The following AIFM3 variants were observed in gnomAD, a reference collection of about 807,000 sequenced individuals.
AIFM3 encodes apoptosis-inducing factor 3.
Under a neutral mutation model 82.7 loss-of-function variants are expected in AIFM3, and 71 were observed. The observed-to-expected ratio is 0.86, with a 90% CI of 0.71 to 1.05. The LOEUF (loss-of-function observed/expected upper bound fraction) is 1.05. Among genes scored for constraint, AIFM3 ranks in the 50% least tolerant of loss-of-function variants. The pLI, the probability that AIFM3 is intolerant of heterozygous loss-of-function variation, is 0.00. For synonymous variants in AIFM3, 337 were observed against 329.1 expected (o/e 1.02, Z -0.26); for missense variants, 748 against 816.7 (o/e 0.92, Z 1.03).
At position 20,974,269 on chromosome 22, in the gene AIFM3, G is replaced by C. The variant is rs1360461913; in HGVS notation, c.483G>C (p.Glu161Asp). 3.7e-6 allele frequency: 6 copies of C among 1,613,890 alleles called. No individual in the cohort carries two copies. Among genetic ancestry groups the C allele is most frequent in the Non-Finnish European group, 5.1e-6 (6 of 1,180,012 alleles). The change falls in exon 6 of 21, where the codon GAG (glutamate) becomes GAC (aspartate). Residue 161 changes from glutamate (E) to aspartate (D), a missense_variant. By Grantham distance (45) the Glu-to-Asp change is conservative. Transcript: ENST00000440238. ...CCTTGCAGGTGAAGATTGAGAAGGA[G>C]AAGGTGTACGTCCGGGCCAGCAAGC... ...LHKFQVKIEK[E>D]KVYVRASKQA...
At chr22:20,966,786 T>G (rs1428405752), upstream of AIFM3, 2 of 152,176 alleles carry the variant, frequency 1.3e-5, no homozygotes, top group Non-Finnish European at 2.9e-5. Flanking sequence ...CCAGGGCACC[T>G]TGCAGGGCCT....
In AIFM3 at chr22:20,976,505, C is replaced by A. The variant is rs961355962; in HGVS notation, c.997C>A (p.Arg333Ser). The change falls in exon 11 of 21, where the codon CGC (arginine) becomes AGC (serine). Residue 333 changes from arginine (R) to serine (S), a missense_variant. Physicochemically the swap from Arg to Ser is moderately radical, Grantham distance 110 (BLOSUM62 -1). Around this residue, in one of 5 missense-constraint regions of AIFM3, gnomAD observed 393 missense variants for 481.1 expected, o/e 0.82. Transcript: ENST00000440238. ...TCGCGTGGTGAGGCTGGCCCGAGGC[C>A]GCAACGTGGTCGTCGTGGGAGCCGG... ...ANRVVRLARG[R>S]NVVVVGAGFL... 1.2e-6 allele frequency: 2 copies of A among 1,613,682 alleles called. No homozygotes were observed. Among genetic ancestry groups the A allele is most frequent in the African/African-American group, 2.7e-5 (2 of 74,918 alleles).
chr22:20,973,431 G>A lies in AIFM3; in HGVS notation c.156G>A (p.Glu52=), dbSNP rs1373941538. ...GCACGGCCCGCCACTTCCACACGGA[G>A]GAGCGCCTGTCCACCCCTCACCCCT... ...GNGTARHFHT[E]ERLSTPHPYP... is the part of the protein sequence containing the mutation. The change falls in exon 3 of 21, where the codon GAG becomes GAA. Residue 52 remains glutamate, a synonymous_variant. Coordinates refer to ENST00000440238, the MANE Select transcript of AIFM3 (RefSeq NM_001386814.1). 2 of 1,613,086 alleles carry A rather than the reference G, an allele frequency of 1.2e-6. No individual in the cohort carries two copies. The highest frequency in any genetic ancestry group is 2.2e-5 in the East Asian group (1 of 44,890).
At chr22:20,977,281 G>A in intron 14 of AIFM3, 186 bp downstream of exon 14, 1 of 757,366 alleles carries the variant, frequency 1.3e-6, no homozygotes, top group Non-Finnish European at 2.1e-6. Context: ...CTCAGCCCAG[G>A]CCTGGCACAG....
At position 20,976,928 on chromosome 22, in the gene AIFM3, A is replaced by G. The variant is rs771772853; in HGVS notation, c.1208A>G (p.Gln403Arg). 8 of 1,611,254 alleles carry G rather than the reference A, an allele frequency of 5.0e-6. No homozygotes were observed. Among genetic ancestry groups the G allele is most frequent in the South Asian group, 1.1e-5 (1 of 90,994 alleles). ...ACGGAGGTGTCTGAGCTGCGGGGCC[A>G]GGAGGGAAAGGTGGGCCCTTCTCCC... ...MQTEVSELRG[Q>R]EGKLKEVVLK... is the part of the protein sequence containing the mutation. Residue 403 changes from glutamine (Q) to arginine (R), a missense_variant, in exon 13 of 21, where the codon CAG becomes CGG. Physicochemically the swap from Gln to Arg is conservative, Grantham distance 43. Transcript: ENST00000440238.
chr22:20,975,847 TG>T (rs761558740), intron 9 of AIFM3, 69 bp downstream of exon 9: 41 of 1,541,362 alleles, frequency 2.7e-5, no homozygotes, highest in Non-Finnish European at 3.5e-5. Flanking sequence ...TGTGGGCCCC[TG>T]GGGTGGGGTC....
intron 11 of AIFM3, 28 bp from the exon 12 acceptor site, chr22:20,976,623 C>G (rs372801515): frequency 4.0e-5 from 64 of 1,611,854 alleles, no homozygotes; most frequent in Non-Finnish European, 5.3e-5. Context: ...GTGCAGGTGC[C>G]AGCCTGCCAC....
rs147613113 is a variant in AIFM3, at chr22:20,974,283, G to A, written c.497G>A (p.Arg166Gln). The A allele has an allele frequency of 2.6e-4, 426 of 1,613,660 alleles. No individual in the cohort carries two copies. The highest frequency in any genetic ancestry group is 4.2e-4 in the Admixed American group (25 of 60,010). The stretch of plus-strand genomic sequence containing the variant: ...ATTGAGAAGGAGAAGGTGTACGTCC[G>A]GGCCAGCAAGCAGGTGAGGGGATAG... Reference protein sequence around the residue: ...VKIEKEKVYVRASKQALQLQR... With the variant: ...VKIEKEKVYVQASKQALQLQR... Residue 166 changes from arginine to glutamine, a missense_variant, in exon 6 of 21, where the codon CGG becomes CAG. By Grantham distance (43) the Arg-to-Gln change is conservative (BLOSUM62 1). Around this residue, in one of 5 missense-constraint regions of AIFM3, gnomAD observed 393 missense variants for 481.1 expected, o/e 0.82. Coordinates refer to ENST00000440238, the MANE Select transcript of AIFM3 (RefSeq NM_001386814.1).
chr22:20,979,716 G>A lies in AIFM3; in HGVS notation c.1652+14G>A, dbSNP rs1469618758. 1 of 1,614,154 alleles carries A rather than the reference G, an allele frequency of 6.2e-7. No individual in the cohort carries two copies. Among genetic ancestry groups the A allele is most frequent in the South Asian group, 1.1e-5 (1 of 91,080 alleles). On this transcript the variant is annotated intron_variant, in intron 18 of 20. Transcript: ENST00000440238. ...TTTTTACACTAAGTGAGAGCACCGGGGTGCAGCTTGGCGCGAAGCAGCGGG... is the reference window on the plus strand; with the variant it reads ...TTTTTACACTAAGTGAGAGCACCGGAGTGCAGCTTGGCGCGAAGCAGCGGG...
At chr22:20,973,717 C>T in intron 3 of AIFM3, 41 bp from the exon 4 acceptor site, 1 of 1,493,578 alleles carries the variant, frequency 6.7e-7, no homozygotes, top group Non-Finnish European at 9.0e-7. Flanking sequence ...GGAGGTTGTG[C>T]CTGGTGTCTG....
chr22:20,979,356 C>T lies in AIFM3; in HGVS notation c.1563C>T (p.Ser521=). The change falls in exon 17 of 21, where the codon AGC becomes AGT. Residue 521 remains serine (S), a synonymous_variant. Transcript: ENST00000440238. ...PYLWTAMFGK[S]LRYAGYGEGF... ...TCTGGACCGCCATGTTTGGCAAGAG[C>T]CTGCGCTACGCGGGTAACCCCGGGG... The T allele has an allele frequency of 6.4e-7, 1 of 1,554,500 alleles. No individual in the cohort carries two copies. Among genetic ancestry groups the T allele is most frequent in the South Asian group, 1.2e-5 (1 of 84,364 alleles).
At chr22:20,975,643 G>A (rs1048626676) in intron 8 of AIFM3, 49 bp from the exon 9 acceptor site, 9 of 1,592,808 alleles carry the variant, frequency 5.7e-6, no homozygotes, top group Middle Eastern at 1.7e-4. Flanking sequence ...CTGGGCCCCA[G>A]TGTCTTCTGC....
chr22:20,980,181 A>C, intron 19 of AIFM3, 57 bp downstream of exon 19: 1 of 1,538,360 alleles, frequency 6.5e-7, no homozygotes, highest in Non-Finnish European at 8.8e-7. Context: ...GTACTGGCTA[A>C]GGTGCCTATG....
At position 20,973,873 on chromosome 22, in the gene AIFM3, C is replaced by T; in HGVS notation, c.355+6C>T. 6.6e-7 allele frequency: 1 copy of T among 1,524,086 alleles called. No homozygotes were observed. The highest frequency in any genetic ancestry group is 1.4e-5 in the African/African-American group (1 of 72,902). 94.4% of individuals were successfully genotyped at this position (1,524,086 alleles called of 1,614,324 possible). ...CGGCGCACCCCTGGTGAAAGGTGAG[C>T]TGTCAGGTGGGAGGCGTGAGGGGGA... On this transcript the variant is annotated splice_donor_region_variant and intron_variant, in intron 4 of 20. Coordinates refer to ENST00000440238, the MANE Select transcript of AIFM3 (RefSeq NM_001386814.1).
At position 20,980,960 on chromosome 22, in the gene AIFM3, T is replaced by C. The variant is rs748650700; in HGVS notation, c.1779-32T>C. On this transcript the variant is annotated intron_variant, in intron 20 of 20. Transcript: ENST00000440238. The stretch of plus-strand genomic sequence containing the variant: ...CCAGAGTGGAGAGCCTGTTTTCTTC[T>C]GTCTTGACCCCTCCTCCCCTCACTC... 35 of 1,614,056 alleles carry C rather than the reference T, an allele frequency of 2.2e-5. No individual in the cohort carries two copies. In the Admixed American group the frequency reaches 5.7e-4, roughly 26 times the overall value.
intron 14 of AIFM3, 26 bp from the exon 15 acceptor site, chr22:20,977,674 G>T (rs779457454): frequency 1.9e-6 from 3 of 1,613,824 alleles, no homozygotes; most frequent in Admixed American, 3.3e-5. Flanking sequence ...GGACAGGGGA[G>T]TGGACACAGG....
Position 20,974,753 on chromosome 22 carries a change from C to A in AIFM3, c.657C>A (p.Ser219=), listed in dbSNP as rs772400232. 6.2e-7 allele frequency: 1 copy of A among 1,613,728 alleles called. No homozygotes were observed. Among genetic ancestry groups the A allele is most frequent in the African/African-American group, 1.3e-5 (1 of 74,996 alleles). The change falls in exon 8 of 21, where the codon TCC becomes TCA. Residue 219 remains serine, a synonymous_variant. Coordinates refer to ENST00000440238, the MANE Select transcript of AIFM3 (RefSeq NM_001386814.1). ...CAETLRQEGF[S]DRIVLCTLDR... ...AGACACTGCGGCAGGAGGGCTTCTC[C>A]GACCGGATCGTCCTGTGCACGCTAG...
At chr22:20,969,107 G>A (rs1002553769) in intron 2 of AIFM3, among the ~76,000 whole-genome samples, 2 of 152,208 alleles carry the variant, frequency 1.3e-5, no homozygotes, top group African/African-American at 2.4e-5. Context: ...CTAGCAGTGG[G>A]TGGGATGATG....
intron 14 of AIFM3, 199 bp from the exon 15 acceptor site, chr22:20,977,501 G>A (rs1923764226): frequency 6.2e-6 from 4 of 641,790 alleles, no homozygotes; most frequent in African/African-American, 5.4e-5. Flanking sequence ...CTTGGAGAAG[G>A]TGATATCTGA....
Sources: allele counts gnomAD v4.1 joint callset (sites outside exome capture counted in the v4.1 genomes callset), GRCh38; gene constraint gnomAD v4.1.1; regional missense constraint gnomAD v4.1.1; transcripts MANE v1.5; gene names NCBI Gene and HGNC (gene_info 2026-07-23, HGNC 2026-07-21).